TMTC1: variants seen among roughly 807,000 people sequenced by gnomAD.
TMTC1 encodes transmembrane O-mannosyltransferase targeting cadherins 1.
A neutral mutation model predicts 104.8 loss-of-function variants in TMTC1; 73 were observed. The ratio of observed to expected loss-of-function variants is 0.70; its 90% CI spans 0.58 to 0.85. TMTC1 has a LOEUF of 0.85. TMTC1 is among the 40% of genes least tolerant of loss of function. The pLI is 0.00. For synonymous variants in TMTC1, 434 were observed against 428.7 expected (o/e 1.01, Z -0.15); for missense variants, 1,035 against 1,096.1 (o/e 0.94, Z 0.79).
chr12:29,760,442 G>C (rs1356872641), intron 2 of TMTC1, among the ~76,000 whole-genome samples: 1 of 152,008 alleles, frequency 6.6e-6, no homozygotes, highest in African/African-American at 2.4e-5. Flanking sequence ...CTAAACCTAG[G>C]GCATGAAAGT....
At chr12:29,568,032 CA>C (rs1432862764) in intron 9 of TMTC1, among the ~76,000 whole-genome samples, 2 of 152,114 alleles carry the variant, frequency 1.3e-5, no homozygotes, top group East Asian at 3.9e-4. Context: ...CAGCCTAATG[CA>C]ATGTCCTTAC....
chr12:29,729,464 A>G (rs1392939944), intron 5 of TMTC1, among the ~76,000 whole-genome samples: 1 of 152,094 alleles, frequency 6.6e-6, no homozygotes, highest in Non-Finnish European at 1.5e-5. Context: ...AGAGCAGAGG[A>G]CAGGAGGAAG....
rs527573402 is a variant in TMTC1, at chr12:29,743,143, T to G, written c.938+8523A>C. On this transcript the variant is annotated intron_variant, in intron 5 of 17. Coordinates refer to ENST00000539277, the MANE Select transcript of TMTC1 (RefSeq NM_001193451.2). ...TCATGGGATAGGTATTAGTATTACT[T>G]CTGCCGTGGTACACACAAGGAAACT... Among the ~76,000 whole-genome samples the G allele has an allele frequency of 1.2e-3, 176 of 152,336 alleles. 1 individual carries two copies. Among genetic ancestry groups the G allele is most frequent in the African/African-American group, 3.8e-3 (160 of 41,570 alleles).
At chr12:29,749,992 C>T (rs751421228) in intron 5 of TMTC1, among the ~76,000 whole-genome samples, 5 of 151,826 alleles carry the variant, frequency 3.3e-5, no homozygotes, top group Admixed American at 6.6e-5. Flanking sequence ...TTCATGATTG[C>T]CCCCAACAGC....
chr12:29,675,128 G>A (rs1033874268), intron 5 of TMTC1, among the ~76,000 whole-genome samples: 3 of 151,784 alleles, frequency 2.0e-5, no homozygotes, highest in African/African-American at 7.3e-5. Flanking sequence ...GATTCAGCAT[G>A]GTACTTTGTA....
chr12:29,716,429 T>C (rs1465579096), intron 5 of TMTC1, among the ~76,000 whole-genome samples: 1 of 152,194 alleles, frequency 6.6e-6, no homozygotes, highest in Non-Finnish European at 1.5e-5. Context: ...CCAGAGTATG[T>C]GCTTTTAACT....
At chr12:29,732,880 G>A (rs1265027024) in intron 5 of TMTC1, among the ~76,000 whole-genome samples, 1 of 152,094 alleles carries the variant, frequency 6.6e-6, no homozygotes, top group African/African-American at 2.4e-5. Flanking sequence ...CAACAACACA[G>A]ATTGGAACTG....
At chr12:29,548,722 A>G (rs1945007395) in intron 10 of TMTC1, among the ~76,000 whole-genome samples, 1 of 150,674 alleles carries the variant, frequency 6.6e-6, no homozygotes, top group Admixed American at 6.7e-5. Flanking sequence ...ACAGACTAAT[A>G]CAGTAATTTC....
chr12:29,560,217 G>A (rs147664357), intron 9 of TMTC1, among the ~76,000 whole-genome samples: 131 of 152,202 alleles, frequency 8.6e-4, no homozygotes, highest in South Asian at 5.0e-3. Context: ...TCCCTTCCCC[G>A]TCCAGAAAAC....
intron 10 of TMTC1, among the ~76,000 whole-genome samples, chr12:29,552,207 T>A (rs961131695): frequency 6.6e-6 from 1 of 152,170 alleles, no homozygotes; most frequent in African/African-American, 2.4e-5. Context: ...ACTGAACACT[T>A]GAAATATGGC....
At chr12:29,697,320 T>C (rs1463047709) in intron 5 of TMTC1, among the ~76,000 whole-genome samples, 2 of 152,228 alleles carry the variant, frequency 1.3e-5, no homozygotes, top group Non-Finnish European at 2.9e-5. Flanking sequence ...CTTCTCTTGG[T>C]TATACTCTAA....
chr12:29,755,039 T>C lies in TMTC1; in HGVS notation c.731+670A>G, dbSNP rs116329769. 5.3e-3 allele frequency among the ~76,000 whole-genome samples: 813 copies of C among 152,280 alleles called. 4 individuals are homozygous for C. Among genetic ancestry groups the C allele is most frequent in the African/African-American group, 0.019 (769 of 41,546 alleles). On this transcript the variant is annotated intron_variant, in intron 4 of 17. Transcript: ENST00000539277. ...GGCCTGCTTGTAAAATTACTGGTAA[T>C]TATGGATTTGATGGGGAAGAAAATT...
intron 10 of TMTC1, among the ~76,000 whole-genome samples, chr12:29,539,479 TAA>T (rs895097220): frequency 8.5e-5 from 13 of 152,176 alleles, no homozygotes; most frequent in African/African-American, 3.1e-4. Context: ...CTTTCATATA[TAA>T]AAATCTTTAT....
intron 5 of TMTC1, among the ~76,000 whole-genome samples, chr12:29,734,979 G>A (rs886311177): frequency 3.5e-4 from 54 of 152,248 alleles, no homozygotes; most frequent in Middle Eastern, 3.4e-3. Context: ...TGTTACAAGC[G>A]TTAGCTTCTT....
In TMTC1 at chr12:29,728,850, T is replaced by C. The variant is rs116757649; in HGVS notation, c.938+22816A>G. Among the ~76,000 whole-genome samples, 1,194 of 150,546 alleles carry C rather than the reference T, an allele frequency of 7.9e-3. 12 individuals are homozygous for C. The highest frequency in any genetic ancestry group is 0.028 in the African/African-American group (1,131 of 40,898). On this transcript the variant is annotated intron_variant, in intron 5 of 17. Transcript: ENST00000539277. ...CCGTCCTACAAAAAAAAAAAAAAAT[T>C]ACCTGGGTGTGGGGGCTGGTGCCTG... is the stretch of plus-strand genomic sequence containing the variant.
At chr12:29,607,610 T>C (rs1396202010) in intron 6 of TMTC1, among the ~76,000 whole-genome samples, 2 of 152,200 alleles carry the variant, frequency 1.3e-5, no homozygotes, top group East Asian at 3.9e-4. Context: ...CACTTTGCTA[T>C]GGAACTGACC....
chr12:29,782,301 A>C (rs2120693076), intron 1 of TMTC1, among the ~76,000 whole-genome samples: 1 of 152,370 alleles, frequency 6.6e-6, no homozygotes, highest in East Asian at 1.9e-4. Flanking sequence ...GACGTAAGTC[A>C]AAAGCCCATG....
chr12:29,751,039 T>C (rs1379987420), intron 5 of TMTC1, among the ~76,000 whole-genome samples: 1 of 152,254 alleles, frequency 6.6e-6, no homozygotes, highest in East Asian at 1.9e-4. Context: ...TCTTTAGCTT[T>C]TTAATGTGCC....
At chr12:29,605,628 C>T (rs1181629627) in intron 6 of TMTC1, among the ~76,000 whole-genome samples, 1 of 146,580 alleles carries the variant, frequency 6.8e-6, no homozygotes, top group Non-Finnish European at 1.5e-5. Context: ...TGCAAGCTAT[C>T]TTTTTAATTT....
Sources: allele counts gnomAD v4.1 joint callset (sites outside exome capture counted in the v4.1 genomes callset), GRCh38; gene constraint gnomAD v4.1.1; transcripts MANE v1.5; gene names NCBI Gene and HGNC (gene_info 2026-07-23, HGNC 2026-07-21).